The following DCBLD1 variants were observed in gnomAD, a reference collection of about 807,000 sequenced individuals.
DCBLD1 encodes the protein discoidin, CUB and LCCL domain-containing protein 1.
DCBLD1 carries 57 observed loss-of-function variants against 71.5 expected under a neutral mutation model. The ratio of observed to expected loss-of-function variants is 0.80; its 90% CI spans 0.64 to 0.99. The LOEUF (loss-of-function observed/expected upper bound fraction) is 0.99, where lower values mean the gene tolerates loss of function less well. Among genes scored for constraint, DCBLD1 ranks in the 50% least tolerant of loss-of-function variants. DCBLD1 has a pLI of 0.00. For synonymous variants in DCBLD1, 380 were observed against 363.8 expected, an observed-to-expected ratio of 1.04 and a Z score of -0.51; for missense variants, 891 against 923.5, an observed-to-expected ratio of 0.96 and a Z score of 0.46.
At position 117,569,040 on chromosome 6, in the gene DCBLD1, A is replaced by T. The variant is rs1409828367; in HGVS notation, c.1616-580A>T. Among the ~76,000 whole-genome samples the T allele has an allele frequency of 3.9e-5, 6 of 152,224 alleles. 1 individual carries two copies. Among genetic ancestry groups the T allele is most frequent in the Admixed American group, 3.9e-4 (6 of 15,282 alleles). On this transcript the variant is annotated intron_variant, in intron 14 of 14. Transcript: ENST00000296955. The stretch of plus-strand genomic sequence containing the variant: ...ATATGACTCCTGAGTATGAATCTCA[A>T]TTCTATAATTTATTTGCTTGGCAAC...
At chr6:117,490,149 C>T (rs1777241882) in intron 1 of DCBLD1, among the ~76,000 whole-genome samples, 1 of 151,864 alleles carries the variant, frequency 6.6e-6, no homozygotes. Context: ...CATGTGTGTA[C>T]ACACACATTT....
Position 117,547,980 on chromosome 6 carries a change from G to A in DCBLD1, c.1689G>A (p.Thr563=), listed in dbSNP as rs1276234975. Residue 563 remains threonine, a synonymous_variant, in exon 15 of 15, where the codon ACG becomes ACA. Coordinates refer to ENST00000338728, the MANE Select transcript of DCBLD1 (RefSeq NM_001366458.2). ...GCTCCACCTTCCGGCCCATGGACAC[G>A]GATGCCGAGGAGGCAGGGGTGAGCA... The part of the protein sequence containing the change: ...RKGSTFRPMD[T]DAEEAGVSTD... The A allele has an allele frequency of 1.3e-6, 2 of 1,550,584 alleles. No homozygotes were observed. Among genetic ancestry groups the A allele is most frequent in the South Asian group, 1.2e-5 (1 of 84,064 alleles).
intron 1 of DCBLD1, among the ~76,000 whole-genome samples, chr6:117,485,758 G>A (rs1777065962): frequency 6.6e-6 from 1 of 152,202 alleles, no homozygotes; most frequent in Non-Finnish European, 1.5e-5. Context: ...AGAGCCTACT[G>A]ACATTCTTTA....
chr6:117,506,683 CTGT>C (rs1777854346), intron 2 of DCBLD1, among the ~76,000 whole-genome samples: 1 of 152,218 alleles, frequency 6.6e-6, no homozygotes, highest in Non-Finnish European at 1.5e-5. Flanking sequence ...TCCTGTGCAG[CTGT>C]TGCCCAGCTT....
intron 5 of DCBLD1, among the ~76,000 whole-genome samples, chr6:117,529,446 G>A (rs1048926485): frequency 2.0e-5 from 3 of 152,082 alleles, no homozygotes; most frequent in Non-Finnish European, 4.4e-5. Flanking sequence ...AGGTACATAT[G>A]CTAGGTAATA....
intron 6 of DCBLD1, among the ~76,000 whole-genome samples, chr6:117,535,993 A>G (rs1014942077): frequency 1.3e-5 from 2 of 152,188 alleles, no homozygotes; most frequent in African/African-American, 4.8e-5. Flanking sequence ...AAGAACCTAG[A>G]TGTGGAATAC....
intron 5 of DCBLD1, among the ~76,000 whole-genome samples, chr6:117,530,557 G>T (rs1778682791): frequency 1.3e-5 from 2 of 152,168 alleles, no homozygotes; most frequent in African/African-American, 2.4e-5. Flanking sequence ...CAGCCTGGGG[G>T]CTTGGGGACC....
chr6:117,511,482 A>G (rs1468418347), intron 2 of DCBLD1, among the ~76,000 whole-genome samples: 2 of 152,178 alleles, frequency 1.3e-5, no homozygotes, highest in African/African-American at 4.8e-5. Context: ...TCCAATCACA[A>G]TATTTTTTTA....
chr6:117,536,925 A>C (rs767963345), intron 6 of DCBLD1, among the ~76,000 whole-genome samples: 7 of 152,244 alleles, frequency 4.6e-5, no homozygotes. Flanking sequence ...CAAAAGCAGC[A>C]TCTCAGAGTC....
At chr6:117,500,492 G>A (rs2114411663) in intron 1 of DCBLD1, among the ~76,000 whole-genome samples, 1 of 152,348 alleles carries the variant, frequency 6.6e-6, no homozygotes, top group East Asian at 1.9e-4. Flanking sequence ...CATTGTGCCA[G>A]CATTGCTGGG....
intron 4 of DCBLD1, among the ~76,000 whole-genome samples, chr6:117,522,455 T>C (rs1247409416): frequency 6.6e-6 from 1 of 152,062 alleles, no homozygotes; most frequent in East Asian, 1.9e-4. Flanking sequence ...TTTTTCTCTT[T>C]TTATGAAAGA....
chr6:117,543,112 C>T lies in DCBLD1; in HGVS notation c.1358-12C>T, dbSNP rs897937581. On this transcript the variant is annotated splice_polypyrimidine_tract_variant and intron_variant, in intron 11 of 14. Transcript: ENST00000338728. ...TTTATGTTGTAACGTGATGGCTTTC[C>T]GTCTTCTTTAGGAATAAACATTACA... 54 of 1,610,626 alleles carry T rather than the reference C, an allele frequency of 3.4e-5. No homozygotes were observed. In the East Asian group the frequency reaches 4.9e-4, roughly 15 times the overall value.
intron 14 of DCBLD1, among the ~76,000 whole-genome samples, chr6:117,568,756 T>C (rs1186745563): frequency 6.6e-6 from 1 of 152,216 alleles, no homozygotes; most frequent in Non-Finnish European, 1.5e-5. Context: ...TGTATTACAA[T>C]GGAATGGACT....
intron 6 of DCBLD1, 90 bp from the exon 7 acceptor site, chr6:117,537,095 A>T: frequency 7.6e-7 from 1 of 1,317,980 alleles, no homozygotes; most frequent in Non-Finnish European, 1.1e-6. Flanking sequence ...CACAGGTGGG[A>T]AAGTTCTGTG....
rs776792604 is a variant in DCBLD1 at position 117,519,950 on chromosome 6, G to A, written c.460G>A (p.Asp154Asn). The A allele has an allele frequency of 3.1e-6, 5 of 1,613,590 alleles. No individual in the cohort carries two copies. Reference sequence around the variant, plus strand: ...GACCTATGCGAGCAGCGACCATCCAGGTATAACGGAAGAATCAACACAAAT... The same window carrying A: ...GACCTATGCGAGCAGCGACCATCCAAGTATAACGGAAGAATCAACACAAAT... The part of the protein sequence containing the change: ...LLTYASSDHP[D>N]LITCLERASH... Residue 154 changes from aspartate to asparagine, a missense_variant and splice_region_variant, in exon 3 of 15, where the codon GAT becomes AAT. Transcript: ENST00000338728.
chr6:117,568,514 T>A (rs987331389), intron 14 of DCBLD1, among the ~76,000 whole-genome samples: 7 of 152,238 alleles, frequency 4.6e-5, no homozygotes, highest in African/African-American at 1.4e-4. Flanking sequence ...ACTCTTTTGC[T>A]ACTGGATGAC....
chr6:117,512,080 A>G (rs1778042074), intron 2 of DCBLD1, among the ~76,000 whole-genome samples: 1 of 152,164 alleles, frequency 6.6e-6, no homozygotes, highest in Non-Finnish European at 1.5e-5. Flanking sequence ...CCTCAAGGAG[A>G]AAAAGCTATT....
chr6:117,568,566 G>A (rs538543996), intron 14 of DCBLD1, among the ~76,000 whole-genome samples: 4 of 152,160 alleles, frequency 2.6e-5, no homozygotes, highest in Admixed American at 1.3e-4. Flanking sequence ...AGAGAATAGC[G>A]TAGCATTCTT....
chr6:117,496,033 C>T (rs1777458562), intron 1 of DCBLD1, among the ~76,000 whole-genome samples: 1 of 152,264 alleles, frequency 6.6e-6, no homozygotes, highest in South Asian at 2.1e-4. Flanking sequence ...TTGAAAGTTT[C>T]CACAGAGAGA....
Sources: allele counts gnomAD v4.1 joint callset (sites outside exome capture counted in the v4.1 genomes callset), GRCh38; gene constraint gnomAD v4.1.1; transcripts MANE v1.5; gene names NCBI Gene and HGNC (gene_info 2026-07-23, HGNC 2026-07-21).